GALNTL6: variants seen among roughly 807,000 people sequenced by gnomAD.
GALNTL6 encodes polypeptide N-acetylgalactosaminyltransferase-like 6.
In GALNTL6, 46 loss-of-function variants were observed where a neutral mutation model predicts 73.7. The ratio of observed to expected loss-of-function variants is 0.62; its 90% CI spans 0.49 to 0.80. GALNTL6 has a LOEUF of 0.80. Ranked by LOEUF, GALNTL6 falls within the 30% of genes least tolerant of loss-of-function variation. The pLI is 0.00. For synonymous variants in GALNTL6, 259 were observed against 263.7 expected (o/e 0.98, Z 0.17); for missense variants, 604 against 755.0 (o/e 0.80, Z 2.34).
chr4:171,992,058 T>G (rs1268235744), intron 2 of GALNTL6, among the ~76,000 whole-genome samples: 1 of 152,014 alleles, frequency 6.6e-6, no homozygotes, highest in East Asian at 1.9e-4. Flanking sequence ...TACAGCTTTT[T>G]GAATCAGATA....
chr4:172,591,689 A>C (rs1045493458), intron 5 of GALNTL6, among the ~76,000 whole-genome samples: 2 of 152,188 alleles, frequency 1.3e-5, no homozygotes, highest in Admixed American at 1.3e-4. Context: ...TGTTTGGCTT[A>C]TGGGAACTGA....
chr4:172,086,491 TTATAAACTTTATTCCTAAAGTTTATTCC>T (rs1225038294), intron 2 of GALNTL6, among the ~76,000 whole-genome samples: 75 of 152,286 alleles, frequency 4.9e-4, no homozygotes, highest in African/African-American at 1.3e-3. Flanking sequence ...TATTTTATTG[TTATAAACTTTATTCCTAAAGTTTATTCC>T]TATAAACTTT....
At chr4:172,574,008 A>G (rs532885670) in intron 5 of GALNTL6, among the ~76,000 whole-genome samples, 15 of 152,222 alleles carry the variant, frequency 9.9e-5, no homozygotes, top group African/African-American at 3.6e-4. Context: ...ACCACTTCTT[A>G]TAGTCACTGT....
chr4:172,508,931 T>C (rs536270751), intron 5 of GALNTL6, among the ~76,000 whole-genome samples: 1 of 41,554 alleles, frequency 2.4e-5, no homozygotes, highest in African/African-American at 6.1e-5. Context: ...GTAGTGGGAT[T>C]GCTGGATCAA....
chr4:172,955,543 C>G (rs1401122613), intron 10 of GALNTL6, among the ~76,000 whole-genome samples: 1 of 152,056 alleles, frequency 6.6e-6, no homozygotes, highest in Non-Finnish European at 1.5e-5. Flanking sequence ...AAAAGACTTT[C>G]AAAATGTTGA....
intron 10 of GALNTL6, among the ~76,000 whole-genome samples, chr4:172,965,573 C>A (rs1333213395): frequency 2.7e-5 from 4 of 150,682 alleles, no homozygotes; most frequent in African/African-American, 7.3e-5. Context: ...CAGAGTGAGA[C>A]TCTGTCTCAA....
rs1321391687 is a variant in GALNTL6, at chr4:172,685,498, C to T, written c.554-123863C>T. On this transcript the variant is annotated intron_variant, in intron 5 of 12. Coordinates refer to ENST00000506823, the MANE Select transcript of GALNTL6 (RefSeq NM_001034845.3). ...AATATCCAAAGGCACATTAAAGAAC[C>T]GAGCAAGAATTGATTACCAGTGTGA... 3.3e-5 allele frequency among the ~76,000 whole-genome samples: 5 copies of T among 152,222 alleles called. No individual in the cohort carries two copies. In the East Asian group the frequency reaches 5.8e-4, roughly 18 times the overall value.
intron 2 of GALNTL6, among the ~76,000 whole-genome samples, chr4:172,057,713 AAAAAAAAAAAAAAAAT>A (rs1429409695): frequency 8.9e-5 from 3 of 33,852 alleles, no homozygotes; most frequent in Non-Finnish European, 2.2e-4. Flanking sequence ...AAAAAAAAAA[AAAAAAAAAAAAAAAAT>A]ATATATATAT....
chr4:173,012,944 C>T (rs1353820783), intron 11 of GALNTL6, among the ~76,000 whole-genome samples: 1 of 152,100 alleles, frequency 6.6e-6, no homozygotes, highest in Non-Finnish European at 1.5e-5. Context: ...TCGAGACCAG[C>T]CTGGCTAACA....
intron 5 of GALNTL6, among the ~76,000 whole-genome samples, chr4:172,560,581 G>T (rs889276184): frequency 6.6e-6 from 1 of 152,124 alleles, no homozygotes; most frequent in African/African-American, 2.4e-5. Flanking sequence ...CTCACATGTA[G>T]CCACTCTATG....
intron 7 of GALNTL6, 102 bp from the exon 8 acceptor site, chr4:172,882,688 C>A: frequency 1.3e-6 from 1 of 792,502 alleles, no homozygotes; most frequent in East Asian, 2.6e-5. Flanking sequence ...TTCCACACAG[C>A]TGACCACTAA....
chr4:172,673,657 C>T (rs183380822), intron 5 of GALNTL6, among the ~76,000 whole-genome samples: 152 of 152,146 alleles, frequency 1.0e-3, no homozygotes, highest in Non-Finnish European at 1.8e-4. Context: ...GGGTGCTCCT[C>T]TATTGGATGC....
chr4:172,272,795 G>C (rs1738700616), intron 3 of GALNTL6, among the ~76,000 whole-genome samples: 1 of 152,074 alleles, frequency 6.6e-6, no homozygotes, highest in Admixed American at 6.6e-5. Context: ...ATATATGTAA[G>C]AAATATCATA....
At chr4:172,032,170 T>C (rs951987336) in intron 2 of GALNTL6, among the ~76,000 whole-genome samples, 2 of 152,138 alleles carry the variant, frequency 1.3e-5, no homozygotes, top group African/African-American at 4.8e-5. Flanking sequence ...GTATTCTGTT[T>C]CATACAATCT....
intron 5 of GALNTL6, among the ~76,000 whole-genome samples, chr4:172,609,386 A>G (rs1460982879): frequency 6.6e-6 from 1 of 152,146 alleles, no homozygotes; most frequent in Non-Finnish European, 1.5e-5. Flanking sequence ...CCTTTTCTGC[A>G]TCTATTGAGA....
intron 5 of GALNTL6, among the ~76,000 whole-genome samples, chr4:172,686,301 G>A (rs887796614): frequency 1.3e-5 from 2 of 152,060 alleles, no homozygotes; most frequent in Non-Finnish European, 2.9e-5. Context: ...AGCAGGACCT[G>A]AGCAGAGCCT....
chr4:172,311,771 G>C lies in GALNTL6; in HGVS notation c.386+19G>C, dbSNP rs374800800. 1.1e-5 allele frequency: 16 copies of C among 1,510,888 alleles called. No homozygotes were observed. The African/African-American group carries it at 2.0e-4, about 19-fold the overall frequency. 93.6% of individuals were successfully genotyped at this position (1,510,888 alleles called of 1,614,324 possible). On this transcript the variant is annotated intron_variant, in intron 4 of 12. Coordinates refer to ENST00000506823, the MANE Select transcript of GALNTL6 (RefSeq NM_001034845.3). ...ATGCTAAGTGAGTATCAGCATATCA[G>C]TGATCAGGGTGGGTTTTTTTGGTTT...
At chr4:172,272,800 A>T (rs1195024940) in intron 3 of GALNTL6, among the ~76,000 whole-genome samples, 3 of 152,212 alleles carry the variant, frequency 2.0e-5, no homozygotes, top group Non-Finnish European at 4.4e-5. Context: ...TGTAAGAAAT[A>T]TCATAAGAGC....
chr4:172,714,539 A>G (rs1246318144), intron 5 of GALNTL6, among the ~76,000 whole-genome samples: 1 of 152,182 alleles, frequency 6.6e-6, no homozygotes, highest in South Asian at 2.1e-4. Context: ...CTAAGAAAAA[A>G]ACTTGCTACA....
Sources: gnomAD v4.1 joint callset for allele counts (sites outside exome capture counted in the v4.1 genomes callset) on GRCh38, gnomAD v4.1.1 for gene constraint, MANE v1.5 for transcripts, NCBI Gene and HGNC (gene_info 2026-07-23, HGNC 2026-07-21) for gene names.